Variants in ZNF532 observed in about 807,000 individuals in gnomAD.
The protein encoded by ZNF532 is zinc finger protein 532.
Under a neutral mutation model 89.3 loss-of-function variants are expected in ZNF532, and 22 were observed. The observed-to-expected ratio is 0.25, with a 90% CI of 0.18 to 0.35. ZNF532 has a LOEUF of 0.35. Among genes scored for constraint, ZNF532 ranks in the 10% least tolerant of loss-of-function variants. The probability of loss-of-function intolerance (pLI) is 1.00; values close to 1 mark genes in which losing one functional copy is unlikely to be tolerated. For missense variants in ZNF532, 1,132 were observed against 1,643.4 expected (o/e 0.69, Z 5.38); for synonymous variants, 606 against 649.6 (o/e 0.93, Z 1.02).
At chr18:58,932,150 T>A (rs2062017022) in intron 3 of ZNF532, among the ~76,000 whole-genome samples, 1 of 152,092 alleles carries the variant, frequency 6.6e-6, no homozygotes, top group Non-Finnish European at 1.5e-5. Context: ...TGAAAGCATT[T>A]TGATTTGAGG....
intron 3 of ZNF532, among the ~76,000 whole-genome samples, chr18:58,926,976 C>CT (rs2061577929): frequency 6.6e-6 from 1 of 152,018 alleles, no homozygotes; most frequent in Admixed American, 6.6e-5. Context: ...TGTAGATATC[C>CT]TTTTTTGTTC....
At chr18:58,888,867 TAA>T (rs1568248494) in intron 2 of ZNF532, among the ~76,000 whole-genome samples, 1,789 of 44,604 alleles carry the variant, frequency 0.04, 233 homozygotes, top group African/African-American at 0.11. Context: ...TATATATATA[TAA>T]TATATATTAT....
chr18:58,963,158 G>A (rs2065534065), intron 7 of ZNF532, among the ~76,000 whole-genome samples: 1 of 152,140 alleles, frequency 6.6e-6, no homozygotes, highest in African/African-American at 2.4e-5. Context: ...CAACTCTCTG[G>A]ATGTTGGATT....
chr18:58,904,081 T>C (rs972842684), intron 2 of ZNF532, among the ~76,000 whole-genome samples: 12 of 152,212 alleles, frequency 7.9e-5, no homozygotes, highest in African/African-American at 2.9e-4. Flanking sequence ...CTGGCCATGG[T>C]GGTTCATGCC....
chr18:58,976,816 T>C (rs1017117369), intron 7 of ZNF532, among the ~76,000 whole-genome samples: 1 of 152,202 alleles, frequency 6.6e-6, no homozygotes, highest in Non-Finnish European at 1.5e-5. Context: ...GCGCCCAGCC[T>C]CAGTTGATTT....
chr18:58,880,771 C>CGTGTGTGTGTGT lies in ZNF532; in HGVS notation c.-18+15194_-18+15195insGTGTGTGTGTGT, dbSNP rs1555704786. ...TCATAGGCGCGCGCGCACGCGCGCG[C>CGTGTGTGTGTGT]GTCTGTGTGTGTGTGTGTATGTTTG... On this transcript the variant is annotated intron_variant, in intron 2 of 9. Coordinates refer to ENST00000591808, the MANE Select transcript of ZNF532 (RefSeq NM_001375912.1). Among the ~76,000 whole-genome samples the CGTGTGTGTGTGT allele has an allele frequency of 4.4e-4, 64 of 145,370 alleles. No individual in the cohort carries two copies. In the South Asian group the frequency reaches 6.0e-3, roughly 14 times the overall value.
chr18:58,888,874 T>A (rs1426259491), intron 2 of ZNF532, among the ~76,000 whole-genome samples: 9 of 53,668 alleles, frequency 1.7e-4, no homozygotes, highest in South Asian at 6.0e-4. Context: ...ATATAATATA[T>A]ATTATATATA....
At chr18:58,939,377 C>T in intron 4 of ZNF532, 68 bp from the exon 5 acceptor site, 1 of 1,399,218 alleles carries the variant, frequency 7.1e-7, no homozygotes, top group South Asian at 1.6e-5. Context: ...GTTCATCTCA[C>T]CCAGTTTTTG....
chr18:58,969,946 GTGATCTCAGCTCAC>G (rs1453764991), intron 7 of ZNF532, among the ~76,000 whole-genome samples: 43 of 143,894 alleles, frequency 3.0e-4, no homozygotes, highest in African/African-American at 1.1e-3. Flanking sequence ...GGGCAGTGGC[GTGATCTCAGCTCAC>G]TGCAACCTCC....
At chr18:58,864,726 G>A (rs894828111), upstream of ZNF532, 9 of 152,334 alleles carry the variant, frequency 5.9e-5, no homozygotes, top group Non-Finnish European at 1.0e-4. Context: ...GCAAACCCCA[G>A]CGAGATCCCC....
chr18:58,872,906 G>C (rs757428334), intron 2 of ZNF532, among the ~76,000 whole-genome samples: 1 of 151,782 alleles, frequency 6.6e-6, no homozygotes, highest in African/African-American at 2.4e-5. Context: ...CACCATGTTA[G>C]CCAGGATGGT....
At chr18:58,973,604 T>C (rs1461345556) in intron 7 of ZNF532, among the ~76,000 whole-genome samples, 1 of 152,206 alleles carries the variant, frequency 6.6e-6, no homozygotes, top group Non-Finnish European at 1.5e-5. Flanking sequence ...AGTTAGACAG[T>C]TTCTTATTTA....
Position 58,953,710 on chromosome 18 carries a change from G to T in ZNF532, c.3061G>T (p.Ala1021Ser). 6.2e-7 allele frequency: 1 copy of T among 1,614,060 alleles called. No homozygotes were observed. Among genetic ancestry groups the T allele is most frequent in the Non-Finnish European group, 8.5e-7 (1 of 1,179,944 alleles). ...AAAATCAATGGAAACCAAGAAAGTG[G>T]CCAGTCCTGGGTGGACGTGTTGGGA... ...VKKSMETKKV[A>S]SPGWTCWECD... Residue 1021 changes from alanine (A) to serine (S), a missense_variant, in exon 7 of 10, where the codon GCC (alanine) becomes TCC (serine). Ala to Ser is a moderately conservative substitution (Grantham distance 99). Coordinates refer to ENST00000591808, the MANE Select transcript of ZNF532 (RefSeq NM_001375912.1).
At chr18:58,937,109 T>G (rs572216505) in intron 4 of ZNF532, among the ~76,000 whole-genome samples, 2 of 152,340 alleles carry the variant, frequency 1.3e-5, no homozygotes, top group African/African-American at 4.8e-5. Flanking sequence ...CACTGGACTG[T>G]ATATCTAGAA....
chr18:58,887,928 C>T (rs2058419317), intron 2 of ZNF532, among the ~76,000 whole-genome samples: 1 of 152,162 alleles, frequency 6.6e-6, no homozygotes, highest in South Asian at 2.1e-4. Flanking sequence ...ATGGCTTTTC[C>T]TGCGGAATTA....
At position 58,918,380 on chromosome 18, in the gene ZNF532, G is replaced by A. The variant is rs2060758937; in HGVS notation, c.93G>A (p.Glu31=). Reference sequence around the variant, plus strand: ...TGGTCGATCCTAAAGCAGCTATTGAGTCTGGACACGATGACCATGAAAGCC... The same window carrying A: ...TGGTCGATCCTAAAGCAGCTATTGAATCTGGACACGATGACCATGAAAGCC... ...PDMVDPKAAI[E]SGHDDHESHM... Residue 31 remains glutamate (E), a synonymous_variant, in exon 3 of 10, where the codon GAG becomes GAA. Transcript: ENST00000591808. 6.2e-7 allele frequency: 1 copy of A among 1,614,184 alleles called. No individual in the cohort carries two copies. The highest frequency in any genetic ancestry group is 8.5e-7 in the Non-Finnish European group (1 of 1,180,048).
At chr18:58,949,408 C>A (rs913612835) in intron 6 of ZNF532, among the ~76,000 whole-genome samples, 5 of 152,096 alleles carry the variant, frequency 3.3e-5, no homozygotes, top group African/African-American at 1.2e-4. Context: ...TTTAAAAATA[C>A]ATTATACAGG....
chr18:58,940,937 C>CACACACACACACACAT (rs2062936554), intron 5 of ZNF532, among the ~76,000 whole-genome samples: 1 of 140,110 alleles, frequency 7.1e-6, no homozygotes, highest in African/African-American at 2.5e-5. Context: ...CACACACACA[C>CACACACACACACACAT]ACACACACAC....
intron 5 of ZNF532, among the ~76,000 whole-genome samples, chr18:58,941,011 T>G (rs1603249164): frequency 2.7e-5 from 4 of 150,060 alleles, no homozygotes; most frequent in East Asian, 3.9e-4. Flanking sequence ...GTTGAAACAT[T>G]TAGTTTTGGG....
Sources: allele counts gnomAD v4.1 joint callset (sites outside exome capture counted in the v4.1 genomes callset), GRCh38; gene constraint gnomAD v4.1.1; transcripts MANE v1.5; gene names NCBI Gene and HGNC (gene_info 2026-07-23, HGNC 2026-07-21).